Variants in KCNAB1 observed in about 807,000 individuals in gnomAD.
The protein encoded by KCNAB1 is voltage-gated potassium channel subunit beta-1.
KCNAB1 carries 35 observed loss-of-function variants against 64.6 expected under a neutral mutation model. The ratio of observed to expected loss-of-function variants is 0.54; its 90% confidence interval spans 0.41 to 0.72. The LOEUF (loss-of-function observed/expected upper bound fraction) is 0.72. KCNAB1 is among the 30% of genes least tolerant of loss of function. The probability of loss-of-function intolerance (pLI) is 0.00; values close to 1 mark genes in which losing one functional copy is unlikely to be tolerated. For missense variants in KCNAB1, 401 were observed against 512.9 expected, an observed-to-expected ratio of 0.78 and a Z score of 2.11; for synonymous variants, 177 against 183.8, an observed-to-expected ratio of 0.96 and a Z score of 0.30.
At chr3:156,128,112 G>A (rs369632401) in intron 1 of KCNAB1, among the ~76,000 whole-genome samples, 3 of 152,198 alleles carry the variant, frequency 2.0e-5, no homozygotes, top group East Asian at 3.8e-4. Flanking sequence ...GTAACAGTAG[G>A]AAAATTGGTT....
In KCNAB1 at chr3:156,489,707, A is replaced by G. The variant is rs546725599; in HGVS notation, c.658+14887A>G. Among the ~76,000 whole-genome samples, 7 of 152,266 alleles carry G rather than the reference A, an allele frequency of 4.6e-5. No individual in the cohort carries two copies. The South Asian group carries it at 1.0e-3, about 23-fold the overall frequency. On this transcript the variant is annotated intron_variant, in intron 8 of 13. Coordinates refer to ENST00000490337, the MANE Select transcript of KCNAB1 (RefSeq NM_172160.3). ...ACAAAGAAACAGAAATAGAAACTTC[A>G]TTTCTCATGAAAGTGTCAGTGAACT... is the stretch of plus-strand genomic sequence containing the variant.
chr3:156,265,107 AG>A (rs1159112656), intron 1 of KCNAB1, among the ~76,000 whole-genome samples: 1 of 152,194 alleles, frequency 6.6e-6, no homozygotes, highest in African/African-American at 2.4e-5. Flanking sequence ...GAGCCATTCT[AG>A]TCCTGGACCA....
At chr3:156,350,467 A>G (rs914901832) in intron 1 of KCNAB1, among the ~76,000 whole-genome samples, 4 of 151,358 alleles carry the variant, frequency 2.6e-5, no homozygotes, top group African/African-American at 9.7e-5. Flanking sequence ...AGTTTGCACC[A>G]CTGCACTGTA....
At chr3:156,174,773 G>A (rs765029823) in intron 1 of KCNAB1, among the ~76,000 whole-genome samples, 8 of 152,290 alleles carry the variant, frequency 5.3e-5, no homozygotes, top group African/African-American at 1.7e-4. Flanking sequence ...CCATCAGGAG[G>A]CATGGAGCCA....
intron 1 of KCNAB1, among the ~76,000 whole-genome samples, chr3:156,166,461 G>T (rs925898014): frequency 1.3e-5 from 2 of 152,010 alleles, no homozygotes; most frequent in South Asian, 4.1e-4. Flanking sequence ...GAATGAATGC[G>T]CAATCCCAAA....
chr3:156,356,510 A>G (rs757232874), intron 1 of KCNAB1, among the ~76,000 whole-genome samples: 4 of 152,204 alleles, frequency 2.6e-5, no homozygotes, highest in Non-Finnish European at 5.9e-5. Flanking sequence ...TGACATCAGC[A>G]GTCAGGTACC....
intron 1 of KCNAB1, among the ~76,000 whole-genome samples, chr3:156,277,447 A>G (rs1450259368): frequency 1.3e-5 from 2 of 152,186 alleles, no homozygotes; most frequent in Admixed American, 1.3e-4. Context: ...AAAATGCAGT[A>G]TGTGTGAAGT....
intron 1 of KCNAB1, among the ~76,000 whole-genome samples, chr3:156,323,191 G>T (rs1006775788): frequency 2.6e-5 from 4 of 152,000 alleles, no homozygotes; most frequent in Non-Finnish European, 2.9e-5. Flanking sequence ...TAATTCTTTT[G>T]TTACTCATAT....
chr3:156,484,666 C>G (rs1715069740), intron 8 of KCNAB1, among the ~76,000 whole-genome samples: 1 of 152,122 alleles, frequency 6.6e-6, no homozygotes, highest in Admixed American at 6.6e-5. Context: ...GCAACACACT[C>G]TGAGGGTTTA....
At chr3:156,175,090 G>C (rs1479098601) in intron 1 of KCNAB1, among the ~76,000 whole-genome samples, 1 of 152,152 alleles carries the variant, frequency 6.6e-6, no homozygotes, top group African/African-American at 2.4e-5. Flanking sequence ...AGTGAGTTTG[G>C]ATTTTTACCC....
chr3:156,383,445 C>T (rs1357834268), intron 1 of KCNAB1, among the ~76,000 whole-genome samples: 1 of 152,124 alleles, frequency 6.6e-6, no homozygotes, highest in Non-Finnish European at 1.5e-5. Flanking sequence ...GTAATTTAGG[C>T]CACTTCAATC....
chr3:156,304,898 G>A (rs1021751740), intron 1 of KCNAB1, among the ~76,000 whole-genome samples: 8 of 152,098 alleles, frequency 5.3e-5, no homozygotes, highest in African/African-American at 1.9e-4. Context: ...TGATTTTTAT[G>A]GCAAGTATTT....
At chr3:156,239,530 G>T (rs1399759633) in intron 1 of KCNAB1, among the ~76,000 whole-genome samples, 1 of 152,050 alleles carries the variant, frequency 6.6e-6, no homozygotes, top group African/African-American at 2.4e-5. Context: ...ACTACTCTGT[G>T]GTGGTTGCAA....
intron 1 of KCNAB1, among the ~76,000 whole-genome samples, chr3:156,358,503 T>G (rs1214142526): frequency 6.6e-6 from 1 of 152,212 alleles, no homozygotes; most frequent in Non-Finnish European, 1.5e-5. Context: ...TCCTCCCTCA[T>G]CTTGCCTCCC....
intron 12 of KCNAB1, among the ~76,000 whole-genome samples, chr3:156,529,390 C>T (rs58814370): frequency 0.29 from 44,268 of 151,564 alleles, 6,849 homozygotes; most frequent in African/African-American, 0.38. Context: ...GTGAAGGTTG[C>T]ACCTTAAAAA....
chr3:156,156,712 G>A (rs1317971551), intron 1 of KCNAB1, among the ~76,000 whole-genome samples: 1 of 152,138 alleles, frequency 6.6e-6, no homozygotes, highest in Non-Finnish European at 1.5e-5. Context: ...AAGAAGAGTA[G>A]GAACTTACTT....
chr3:156,424,062 A>G (rs1344487112), intron 2 of KCNAB1, among the ~76,000 whole-genome samples: 2 of 152,196 alleles, frequency 1.3e-5, no homozygotes, highest in African/African-American at 2.4e-5. Context: ...TGGAGATTGT[A>G]TCGAAGACAA....
intron 8 of KCNAB1, among the ~76,000 whole-genome samples, chr3:156,484,935 C>T (rs1715091309): frequency 6.6e-6 from 1 of 152,016 alleles, no homozygotes; most frequent in Non-Finnish European, 1.5e-5. Flanking sequence ...GTTGCTCAGA[C>T]CTTCAGCTTC....
intron 1 of KCNAB1, among the ~76,000 whole-genome samples, chr3:156,197,176 T>C (rs776973555): frequency 1.8e-4 from 27 of 152,184 alleles, no homozygotes; most frequent in Non-Finnish European, 3.2e-4. Context: ...TGGATAAACT[T>C]TTTGATATGC....
Sources: gnomAD v4.1 joint callset for allele counts (sites outside exome capture counted in the v4.1 genomes callset) on GRCh38, gnomAD v4.1.1 for gene constraint, MANE v1.5 for transcripts, NCBI Gene and HGNC (gene_info 2026-07-23, HGNC 2026-07-21) for gene names.